The following OXSR1 variants were observed in gnomAD, a reference collection of about 807,000 sequenced individuals.
OXSR1 encodes the protein serine/threonine-protein kinase OSR1.
Under a neutral mutation model 79.8 loss-of-function variants are expected in OXSR1, and 24 were observed. That is an observed-to-expected ratio of 0.30 (90% CI 0.22 to 0.42). OXSR1 has a LOEUF of 0.42. Ranked by LOEUF, OXSR1 falls within the 10% of genes least tolerant of loss-of-function variation. OXSR1 has a pLI of 1.00. For synonymous variants in OXSR1, 226 were observed against 209.2 expected (o/e 1.08, Z -0.69); for missense variants, 430 against 618.4 (o/e 0.70, Z 3.23).
intron 17 of OXSR1, 61 bp downstream of exon 17, chr3:38,252,453 G>T: frequency 1.8e-6 from 2 of 1,082,926 alleles, no homozygotes; most frequent in South Asian, 1.2e-5. Flanking sequence ...AGCTTCTCCA[G>T]ACCAGCTTCT....
intron 2 of OXSR1, among the ~76,000 whole-genome samples, chr3:38,189,959 G>A (rs1701952521): frequency 6.6e-6 from 1 of 152,170 alleles, no homozygotes; most frequent in Admixed American, 6.5e-5. Flanking sequence ...AGGGTGCTTG[G>A]AAGCTAAGAG....
chr3:38,246,002 C>A, intron 12 of OXSR1, 73 bp from the exon 13 acceptor site: 1 of 1,362,124 alleles, frequency 7.3e-7, no homozygotes, highest in Non-Finnish European at 1.0e-6. Context: ...CCCTGAAAGG[C>A]TGAACTTGCT....
intron 1 of OXSR1, among the ~76,000 whole-genome samples, chr3:38,173,947 G>A (rs999471056): frequency 6.6e-5 from 10 of 152,192 alleles, no homozygotes; most frequent in African/African-American, 2.4e-4. Context: ...CTGAGAAGAT[G>A]ACAGTTGAGG....
At chr3:38,183,292 A>G (rs1300468595) in intron 2 of OXSR1, among the ~76,000 whole-genome samples, 177 bp downstream of exon 2, 25 of 152,256 alleles carry the variant, frequency 1.6e-4, no homozygotes, top group Admixed American at 1.6e-3. Flanking sequence ...AAAATTAGTT[A>G]TAATATTCTT....
intron 12 of OXSR1, among the ~76,000 whole-genome samples, chr3:38,244,670 T>TGTGTGTGTGTGTGCGCAC (rs1491372358): frequency 2.0e-5 from 3 of 149,736 alleles, no homozygotes; most frequent in South Asian, 2.1e-4. Context: ...TGTGTGTGCG[T>TGTGTGTGTGTGTGCGCAC]GCGCATGTAC....
At position 38,230,270 on chromosome 3, in the gene OXSR1, A is replaced by T. The variant is rs1575358867; in HGVS notation, c.886-95A>T. 5.2e-6 allele frequency: 4 copies of T among 764,758 alleles called. No individual in the cohort carries two copies. In the East Asian group the frequency reaches 9.9e-5, roughly 19 times the overall value. 47.4% of individuals were successfully genotyped at this position (764,758 alleles called of 1,614,324 possible). ...TCTCACACTTCATTACAGAACAGTT[A>T]CTATATCACATTTTGATTATGGTGA... On this transcript the variant is annotated intron_variant, in intron 9 of 17. Transcript: ENST00000311806.
At chr3:38,173,082 C>G (rs1157065681) in intron 1 of OXSR1, among the ~76,000 whole-genome samples, 2 of 152,162 alleles carry the variant, frequency 1.3e-5, no homozygotes, top group Non-Finnish European at 2.9e-5. Context: ...TTCCTAGATG[C>G]CTTACTCAGT....
intron 4 of OXSR1, among the ~76,000 whole-genome samples, chr3:38,203,214 G>A (rs1316786904): frequency 6.6e-6 from 1 of 152,150 alleles, no homozygotes; most frequent in Non-Finnish European, 1.5e-5. Context: ...TCTCTGCTTC[G>A]GCTACCTAAA....
At chr3:38,171,712 C>T (rs1232294366) in intron 1 of OXSR1, among the ~76,000 whole-genome samples, 1 of 151,248 alleles carries the variant, frequency 6.6e-6, no homozygotes, top group Non-Finnish European at 1.5e-5. Context: ...CATGCTTTGG[C>T]AAGATTTGAA....
chr3:38,243,784 C>CCGAT (rs1703082979), intron 12 of OXSR1, among the ~76,000 whole-genome samples: 1 of 152,178 alleles, frequency 6.6e-6, no homozygotes, highest in Non-Finnish European at 1.5e-5. Flanking sequence ...TATTAACAGG[C>CCGAT]CGATATCTGT....
chr3:38,184,927 T>G (rs1261831280), intron 2 of OXSR1, among the ~76,000 whole-genome samples: 45 of 84,976 alleles, frequency 5.3e-4, no homozygotes, highest in East Asian at 1.5e-3. Context: ...TTTTTTTTTT[T>G]TTTTTTTTTT....
chr3:38,220,120 G>GT (rs568801384), intron 5 of OXSR1, among the ~76,000 whole-genome samples: 52 of 147,708 alleles, frequency 3.5e-4, no homozygotes, highest in East Asian at 2.0e-3. Context: ...ATTATTGTGT[G>GT]TTTTTTTTTT....
rs562408932 is a variant in OXSR1 at position 38,232,735 on chromosome 3, G to A, written c.951+2305G>A. ...AGATCATGCCACTGCACTCCAGCCC[G>A]GGTGACAGAGTGAGACTGTGTCTCA... On this transcript the variant is annotated intron_variant, in intron 10 of 17. Transcript: ENST00000311806. 1.3e-4 allele frequency among the ~76,000 whole-genome samples: 20 copies of A among 152,168 alleles called. No homozygotes were observed. In the South Asian group the frequency reaches 1.5e-3, roughly 11 times the overall value.
At chr3:38,164,903 G>A (rs889381943), upstream of OXSR1, among the ~76,000 whole-genome samples, 1 of 152,042 alleles carries the variant, frequency 6.6e-6, no homozygotes, top group African/African-American at 2.4e-5. Flanking sequence ...GTTTCACTCC[G>A]ACCAGTGGCC....
At chr3:38,215,677 T>C (rs34433145) in intron 4 of OXSR1, among the ~76,000 whole-genome samples, 13,266 of 152,220 alleles carry the variant, frequency 0.087, 768 homozygotes, top group African/African-American at 0.16. Flanking sequence ...TAGTTAAAAC[T>C]ATAGAGATGC....
chr3:38,189,099 A>G (rs1177337480), intron 2 of OXSR1, among the ~76,000 whole-genome samples: 1 of 152,148 alleles, frequency 6.6e-6, no homozygotes, highest in Non-Finnish European at 1.5e-5. Context: ...AATCATATGT[A>G]CCTATCATCT....
intron 2 of OXSR1, among the ~76,000 whole-genome samples, chr3:38,187,172 T>G (rs1701900828): frequency 1.3e-5 from 2 of 152,210 alleles, no homozygotes; most frequent in Non-Finnish European, 2.9e-5. Context: ...TACCTGGTAT[T>G]TAAAGATATA....
At chr3:38,190,630 G>A in intron 2 of OXSR1, 101 bp from the exon 3 acceptor site, 1 of 681,240 alleles carries the variant, frequency 1.5e-6, no homozygotes, top group Non-Finnish European at 2.6e-6. Flanking sequence ...TCCCAGAAAG[G>A]TGTGACACAG....
intron 4 of OXSR1, among the ~76,000 whole-genome samples, chr3:38,209,748 C>T (rs1463833788): frequency 2.0e-5 from 3 of 151,938 alleles, no homozygotes; most frequent in Non-Finnish European, 2.9e-5. Context: ...GTCAGCCTCC[C>T]GAGTAGCTGG....
Sources: allele counts gnomAD v4.1 joint callset (sites outside exome capture counted in the v4.1 genomes callset), GRCh38; gene constraint gnomAD v4.1.1; transcripts MANE v1.5; gene names NCBI Gene and HGNC (gene_info 2026-07-23, HGNC 2026-07-21).